Variants in TIMM44 observed in about 807,000 individuals in gnomAD.
TIMM44 encodes the protein mitochondrial import inner membrane translocase subunit TIM44.
TIMM44 carries 37 observed loss-of-function variants against 63.8 expected under a neutral mutation model. The observed-to-expected ratio is 0.58, with a 90% CI of 0.45 to 0.76. TIMM44 has a LOEUF of 0.76. Among genes scored for constraint, TIMM44 ranks in the 30% least tolerant of loss-of-function variants. The pLI is 0.00. For synonymous variants in TIMM44, 239 were observed against 245.1 expected, an observed-to-expected ratio of 0.98 and a Z score of 0.23; for missense variants, 573 against 603.8, an observed-to-expected ratio of 0.95 and a Z score of 0.54.
In TIMM44 at chr19:7,935,167, C is replaced by CTTTTTTTTTTTTTTT; in HGVS notation, c.313-37_313-23dup. Reference sequence around the variant, plus strand: ...TTTTCTAGGTAAAGAGCGCTGTGTCCTTTTTTTTTTTTTTTTTTTTGAGAC... The same window carrying CTTTTTTTTTTTTTTT: ...TTTTCTAGGTAAAGAGCGCTGTGTCCTTTTTTTTTTTTTTTTTTTTTTTTTTTTTTTTTTTGAGAC... On this transcript the variant is annotated intron_variant, in intron 3 of 12. Coordinates refer to ENST00000270538, the MANE Select transcript of TIMM44 (RefSeq NM_006351.4). The CTTTTTTTTTTTTTTT allele has an allele frequency of 1.6e-6, 2 of 1,254,056 alleles. 1 individual carries two copies. The highest frequency in any genetic ancestry group is 2.2e-6 in the Non-Finnish European group (2 of 927,650). 77.7% of individuals were successfully genotyped at this position (1,254,056 alleles called of 1,614,324 possible).
Position 7,934,352 on chromosome 19 carries a change from G to T in TIMM44, c.394-114C>A. ...AGGGCGGATCTGGTTCCCCGAGGCC[G>T]GCAGAGGCCTTCTGTGCTCCTGTGG... On this transcript the variant is annotated intron_variant, in intron 4 of 12. Coordinates refer to ENST00000270538, the MANE Select transcript of TIMM44 (RefSeq NM_006351.4). This position sits in a 1 kb window ranked among gnomAD's most constrained non-coding sequence, Gnocchi z 5.3. The T allele has an allele frequency of 7.2e-7, 1 of 1,395,276 alleles. No individual in the cohort carries two copies. Among genetic ancestry groups the T allele is most frequent in the Non-Finnish European group, 1.0e-6 (1 of 1,000,308 alleles). The allele number at this position is 1,395,276 out of a possible 1,614,324, so 86.4% of individuals were successfully genotyped here.
At chr19:7,929,307 G>C (rs756731381) in intron 10 of TIMM44, among the ~76,000 whole-genome samples, 2 of 152,192 alleles carry the variant, frequency 1.3e-5, no homozygotes, top group Non-Finnish European at 2.9e-5. Context: ...TTGACTCTGA[G>C]AAGCAGCTGA....
chr19:7,933,894 A>T lies in TIMM44; in HGVS notation c.653T>A (p.Phe218Tyr). Residue 218 changes from phenylalanine to tyrosine, a missense_variant, in exon 6 of 13, where the codon TTC becomes TAC. By Grantham distance (22) the Phe-to-Tyr change is conservative (BLOSUM62 3). Coordinates refer to ENST00000270538, the MANE Select transcript of TIMM44 (RefSeq NM_006351.4). The surrounding 1 kb of genome is among the most constrained non-coding windows in gnomAD (Gnocchi z 4.3). ...TGGCTCAAACACTTTCTCCTCCTTG[A>T]ACTTATCTCCCGCAAACTCCGTTCT... is the stretch of plus-strand genomic sequence containing the variant. ...RKRTEFAGDK[F>Y]KEEKVFEPNE... 4.3e-6 allele frequency: 7 copies of T among 1,614,074 alleles called. No individual in the cohort carries two copies. The highest frequency in any genetic ancestry group is 5.9e-6 in the Non-Finnish European group (7 of 1,180,008).
At chr19:7,930,225 C>CCTCGTGAG (rs965590635) in intron 10 of TIMM44, among the ~76,000 whole-genome samples, 2 of 151,876 alleles carry the variant, frequency 1.3e-5, no homozygotes, top group African/African-American at 4.8e-5. Flanking sequence ...GCAGCCTTGA[C>CCTCGTGAG]CTCGTGAGCT....
chr19:7,937,133 G>A (rs945186902), intron 3 of TIMM44, among the ~76,000 whole-genome samples: 1 of 151,520 alleles, frequency 6.6e-6, no homozygotes. Context: ...CAACAAATCA[G>A]CTGGGTGTGG....
In TIMM44 at chr19:7,933,769, C is replaced by G; in HGVS notation, c.683+95G>C. The stretch of plus-strand genomic sequence containing the variant: ...TTGGGCAGAAGGCAAACTCAAGAAA[C>G]GGACTCAGGAGGGAACCATTGGTGG... On this transcript the variant is annotated intron_variant, in intron 6 of 12. Transcript: ENST00000270538. This position sits in a 1 kb window ranked among gnomAD's most constrained non-coding sequence, Gnocchi z 4.3. The G allele has an allele frequency of 6.4e-7, 1 of 1,572,190 alleles. No individual in the cohort carries two copies. The highest frequency in any genetic ancestry group is 1.1e-5 in the South Asian group (1 of 89,702).
chr19:7,939,097 G>A (rs1287278131), intron 2 of TIMM44, among the ~76,000 whole-genome samples: 1 of 152,076 alleles, frequency 6.6e-6, no homozygotes, highest in African/African-American at 2.4e-5. Flanking sequence ...TGTAATCACA[G>A]AGAATGTACA....
chr19:7,939,024 G>A (rs1984230303), intron 2 of TIMM44, among the ~76,000 whole-genome samples: 1 of 61,108 alleles, frequency 1.6e-5, no homozygotes, highest in Non-Finnish European at 3.1e-5. Context: ...GGTAGGAAGA[G>A]GGTGAGATGA....
chr19:7,942,796 G>C (rs1984347243), intron 1 of TIMM44, among the ~76,000 whole-genome samples: 1 of 151,594 alleles, frequency 6.6e-6, no homozygotes, highest in Non-Finnish European at 1.5e-5. Flanking sequence ...AAGTAGTTGG[G>C]ATTACAGGAG....
intron 10 of TIMM44, chr19:7,929,022 T>C (rs1983901061): frequency 6.6e-6 from 1 of 150,384 alleles, no homozygotes; most frequent in South Asian, 2.1e-4. Flanking sequence ...AAATCTGACA[T>C]CTTCTCCTCT....
Position 7,930,040 on chromosome 19 carries a change from G to T in TIMM44, c.1038+1098C>A, listed in dbSNP as rs576399064. On this transcript the variant is annotated intron_variant, in intron 10 of 12. Coordinates refer to ENST00000270538, the MANE Select transcript of TIMM44 (RefSeq NM_006351.4). ...ATTTTTGTATTTTTAGTAGAGACAG[G>T]GTTTCACCATGTTGGCCAGACTGGT... 4.6e-5 allele frequency among the ~76,000 whole-genome samples: 7 copies of T among 152,000 alleles called. No individual in the cohort carries two copies. The South Asian group carries it at 1.2e-3, about 27-fold the overall frequency.
At chr19:7,930,229 G>A (rs1049113735) in intron 10 of TIMM44, among the ~76,000 whole-genome samples, 2 of 151,058 alleles carry the variant, frequency 1.3e-5, no homozygotes, top group Non-Finnish European at 2.9e-5. Flanking sequence ...CCTTGACCTC[G>A]TGAGCTCAAG....
chr19:7,934,590 A>G lies in TIMM44; in HGVS notation c.394-352T>C, dbSNP rs889362202. Among the ~76,000 whole-genome samples the G allele has an allele frequency of 6.6e-5, 10 of 152,276 alleles. No homozygotes were observed. Among genetic ancestry groups the G allele is most frequent in the South Asian group, 6.2e-4 (3 of 4,824 alleles). On this transcript the variant is annotated intron_variant, in intron 4 of 12. Coordinates refer to ENST00000270538, the MANE Select transcript of TIMM44 (RefSeq NM_006351.4). This position sits in a 1 kb window ranked among gnomAD's most constrained non-coding sequence, Gnocchi z 5.3. ...CTGGCCCCTTTCCAAAATGGGCAGG[A>G]GTCCTCTGGAGACCCGGGAACTGCC...
chr19:7,933,383 C>G lies in TIMM44; in HGVS notation c.769+102G>C, dbSNP rs1984043007. 9.5e-7 allele frequency: 1 copy of G among 1,054,446 alleles called. No homozygotes were observed. The highest frequency in any genetic ancestry group is 1.5e-6 in the Non-Finnish European group (1 of 668,788). The allele number at this position is 1,054,446 out of a possible 1,614,324, so 65.3% of individuals were successfully genotyped here. A position where few individuals can be genotyped will look rare whatever the true frequency, so the allele number is the denominator to read the frequency against. On this transcript the variant is annotated intron_variant, in intron 7 of 12. Transcript: ENST00000270538. The surrounding 1 kb of genome is among the most constrained non-coding windows in gnomAD (Gnocchi z 4.3). ...CCCACTCTGACCCCGATCTCCTCCT[C>G]TGCAAAACGGGGCTGTCTTGTGCCC...
rs1473835415 is a variant in TIMM44 at position 7,930,156 on chromosome 19, T to A, written c.1038+982A>T. Among the ~76,000 whole-genome samples, 5 of 152,004 alleles carry A rather than the reference T, an allele frequency of 3.3e-5. No individual in the cohort carries two copies. The East Asian group carries it at 9.7e-4, about 30-fold the overall frequency. ...TAGCCACCGTGCCCGACCTATTTCC[T>A]TAGTGACAGTGTCTTGATCTGTCAC... On this transcript the variant is annotated intron_variant, in intron 10 of 12. Transcript: ENST00000270538.
chr19:7,927,056 C>T lies in TIMM44; in HGVS notation c.*131G>A, dbSNP rs982963943. ...TCCCCTCCCGGGCCAGCTGGTCTTG[C>T]AGCCGTCCTGGCAGAGCTGGGGGCA... On this transcript the variant is annotated 3_prime_UTR_variant, in exon 13 of 13. Transcript: ENST00000270538. 9 of 1,368,052 alleles carry T rather than the reference C, an allele frequency of 6.6e-6. No homozygotes were observed. Among genetic ancestry groups the T allele is most frequent in the Middle Eastern group, 1.9e-4 (1 of 5,326 alleles). The allele number at this position is 1,368,052 out of a possible 1,614,324, so 84.7% of individuals were successfully genotyped here. A position where few individuals can be genotyped will look rare whatever the true frequency, so the allele number is the denominator to read the frequency against.
At chr19:7,931,871 C>T (rs1568295242) in intron 9 of TIMM44, 1 of 155,720 alleles carries the variant, frequency 6.4e-6, no homozygotes. Flanking sequence ...GGTGCTCAGG[C>T]TGCTGTTTTG....
intron 9 of TIMM44, chr19:7,932,345 G>A: frequency 2.0e-6 from 1 of 501,816 alleles, no homozygotes; most frequent in Non-Finnish European, 3.6e-6. Context: ...CTAGCCTCCA[G>A]CAGCTGCTCC....
intron 9 of TIMM44, chr19:7,931,594 T>A (rs1983984403): frequency 4.2e-6 from 1 of 238,794 alleles, no homozygotes; most frequent in Admixed American, 5.1e-5. Context: ...GGACCACATT[T>A]CGGACTGCAA....
Sources: gnomAD v4.1 joint callset for allele counts (sites outside exome capture counted in the v4.1 genomes callset) on GRCh38, gnomAD v4.1.1 for gene constraint, Gnocchi (gnomAD v3.1) non-coding constraint, MANE v1.5 for transcripts, NCBI Gene and HGNC (gene_info 2026-07-23, HGNC 2026-07-21) for gene names.